PTPRD: variants seen among roughly 807,000 people sequenced by gnomAD.
The protein encoded by PTPRD is receptor-type tyrosine-protein phosphatase delta.
In PTPRD, 34 loss-of-function variants were observed where a neutral mutation model predicts 214.5. That is an observed-to-expected ratio of 0.16 (90% CI 0.12 to 0.21). The LOEUF is 0.21. PTPRD is among the 10% of genes least tolerant of loss of function. PTPRD has a pLI of 1.00. For missense variants in PTPRD, 2,545 were observed against 2,398.7 expected, an observed-to-expected ratio of 1.06 and a Z score of -1.27; for synonymous variants, 1,128 against 845.7, an observed-to-expected ratio of 1.33 and a Z score of -5.79.
chr9:10,513,194 G>C (rs1014681447), intron 2 of PTPRD, among the ~76,000 whole-genome samples: 1 of 152,204 alleles, frequency 6.6e-6, no homozygotes, highest in South Asian at 2.1e-4. Context: ...GTGTGTGTGT[G>C]TGTGTGTGAT....
chr9:10,051,575 T>C (rs2097535683), intron 3 of PTPRD, among the ~76,000 whole-genome samples: 1 of 151,976 alleles, frequency 6.6e-6, no homozygotes, highest in Non-Finnish European at 1.5e-5. Context: ...GCATTAGGTA[T>C]ATCTCCTAAT....
At position 8,486,409 on chromosome 9, in the gene PTPRD, T is replaced by C. The variant is rs185917936; in HGVS notation, c.2468-60A>G. 7.3e-4 allele frequency: 1,032 copies of C among 1,409,964 alleles called. 1 individual carries two copies. Among genetic ancestry groups the C allele is most frequent in the Middle Eastern group, 1.8e-3 (10 of 5,696 alleles). 87.3% of individuals were successfully genotyped at this position (1,409,964 alleles called of 1,614,324 possible). ...AATCTGAACGTTCACATTTCAGTCA[T>C]TGCCAAATGAGGGAGTTCCACTCTA... On this transcript the variant is annotated intron_variant, in intron 27 of 45. Coordinates refer to ENST00000381196, the MANE Select transcript of PTPRD (RefSeq NM_002839.4).
At chr9:8,821,453 T>C (rs2097060940) in intron 11 of PTPRD, among the ~76,000 whole-genome samples, 1 of 152,210 alleles carries the variant, frequency 6.6e-6, no homozygotes, top group South Asian at 2.1e-4. Flanking sequence ...TACTGCGGTT[T>C]GTTTCTTTCT....
intron 3 of PTPRD, among the ~76,000 whole-genome samples, chr9:10,261,599 A>G (rs2093704010): frequency 6.6e-6 from 1 of 152,132 alleles, no homozygotes; most frequent in Non-Finnish European, 1.5e-5. Flanking sequence ...AGCTTCTAAG[A>G]AAGACTGTAC....
chr9:9,425,790 C>A (rs559534734), intron 8 of PTPRD, among the ~76,000 whole-genome samples: 19 of 152,048 alleles, frequency 1.2e-4, no homozygotes, highest in African/African-American at 2.7e-4. Flanking sequence ...GAACTAATAA[C>A]AAAACTGGAA....
At chr9:9,202,292 G>A (rs1235163383) in intron 9 of PTPRD, among the ~76,000 whole-genome samples, 2 of 152,220 alleles carry the variant, frequency 1.3e-5, no homozygotes, top group Middle Eastern at 3.4e-3. Flanking sequence ...AGATTAACCC[G>A]AAGTCCCTAT....
chr9:9,295,851 C>T (rs2134362964), intron 9 of PTPRD, among the ~76,000 whole-genome samples: 1 of 151,962 alleles, frequency 6.6e-6, no homozygotes, highest in African/African-American at 2.4e-5. Context: ...GAGGCAACGC[C>T]TCTCTCTATG....
At chr9:8,954,200 G>A (rs1037652074) in intron 11 of PTPRD, among the ~76,000 whole-genome samples, 5 of 151,898 alleles carry the variant, frequency 3.3e-5, no homozygotes, top group African/African-American at 4.8e-5. Context: ...GCAGCAACAT[G>A]CATGCAGCTT....
intron 10 of PTPRD, among the ~76,000 whole-genome samples, chr9:9,044,755 C>A (rs2099666873): frequency 1.5e-5 from 2 of 133,158 alleles, no homozygotes; most frequent in Admixed American, 1.5e-4. Context: ...TTTCTCCCAA[C>A]TTCTTCCCTT....
In PTPRD at chr9:10,123,884, T is replaced by A. The variant is rs550958068; in HGVS notation, c.-544-90094A>T. On this transcript the variant is annotated intron_variant, in intron 3 of 45. Coordinates refer to ENST00000381196, the MANE Select transcript of PTPRD (RefSeq NM_002839.4). The stretch of plus-strand genomic sequence containing the variant: ...TGTCACATCCATAGTGCTAAGTCCA[T>A]GGCAAGTATCTGGTGAATGTTTGTG... Among the ~76,000 whole-genome samples, 5 of 152,310 alleles carry A rather than the reference T, an allele frequency of 3.3e-5. No homozygotes were observed. In the South Asian group the frequency reaches 1.0e-3, roughly 32 times the overall value.
intron 11 of PTPRD, among the ~76,000 whole-genome samples, chr9:8,780,302 A>C (rs1388521862): frequency 1.3e-5 from 2 of 152,190 alleles, no homozygotes; most frequent in African/African-American, 4.8e-5. Context: ...TTACCAATCC[A>C]TCCCTTTTCC....
At chr9:9,712,257 T>C (rs2154425327) in intron 7 of PTPRD, among the ~76,000 whole-genome samples, 1 of 152,276 alleles carries the variant, frequency 6.6e-6, no homozygotes, top group South Asian at 2.1e-4. Flanking sequence ...ACATTTCTCA[T>C]TTTTAAAAGA....
chr9:8,498,567 G>A (rs2097328296), intron 25 of PTPRD, among the ~76,000 whole-genome samples: 1 of 152,190 alleles, frequency 6.6e-6, no homozygotes, highest in African/African-American at 2.4e-5. Flanking sequence ...TGGTGCCGCA[G>A]TTTTCAACTT....
intron 10 of PTPRD, among the ~76,000 whole-genome samples, chr9:9,144,763 A>G (rs1326177636): frequency 6.6e-6 from 1 of 152,076 alleles, no homozygotes; most frequent in East Asian, 1.9e-4. Flanking sequence ...AAAACAAACA[A>G]ACAAACAAAA....
At chr9:9,408,244 TG>T (rs1465953445) in intron 8 of PTPRD, among the ~76,000 whole-genome samples, 4 of 151,854 alleles carry the variant, frequency 2.6e-5, no homozygotes, top group Non-Finnish European at 5.9e-5. Flanking sequence ...ATGTGCAAAT[TG>T]GGTATCACTT....
intron 7 of PTPRD, among the ~76,000 whole-genome samples, chr9:9,730,943 C>A (rs1469126768): frequency 6.6e-6 from 1 of 152,044 alleles, no homozygotes; most frequent in Non-Finnish European, 1.5e-5. Flanking sequence ...ATTATTTTGA[C>A]CTCTTAAAAG....
intron 33 of PTPRD, among the ~76,000 whole-genome samples, chr9:8,458,336 TG>T (rs1254302530): frequency 1.3e-5 from 2 of 152,146 alleles, no homozygotes; most frequent in African/African-American, 4.8e-5. Flanking sequence ...TTTACATGAC[TG>T]ATTCACAAAT....
intron 2 of PTPRD, among the ~76,000 whole-genome samples, chr9:10,501,009 G>A (rs1170059738): frequency 1.3e-5 from 2 of 151,998 alleles, no homozygotes; most frequent in African/African-American, 4.8e-5. Flanking sequence ...TGGGAATACA[G>A]ATGTCTTTAT....
At chr9:10,592,052 A>G (rs182440660) in intron 2 of PTPRD, among the ~76,000 whole-genome samples, 4 of 152,252 alleles carry the variant, frequency 2.6e-5, no homozygotes, top group Admixed American at 2.6e-4. Flanking sequence ...TTTGTTGCGC[A>G]GCAACAGATA....
Sources: gnomAD v4.1 joint callset for allele counts (sites outside exome capture counted in the v4.1 genomes callset) on GRCh38, gnomAD v4.1.1 for gene constraint, MANE v1.5 for transcripts, NCBI Gene and HGNC (gene_info 2026-07-23, HGNC 2026-07-21) for gene names.